The following RET variants were observed in gnomAD, a reference collection of about 807,000 sequenced individuals.
RET encodes ret proto-oncogene.
A neutral mutation model predicts 118.3 loss-of-function variants in RET; 19 were observed. The observed-to-expected ratio is 0.16, with a 90% CI of 0.11 to 0.24. The LOEUF is 0.24. Ranked by LOEUF, RET falls within the 10% of genes least tolerant of loss-of-function variation. RET has a pLI of 1.00. For missense variants in RET, 1,219 were observed against 1,502.1 expected, an observed-to-expected ratio of 0.81 and a Z score of 3.12; for synonymous variants, 597 against 644.1, an observed-to-expected ratio of 0.93 and a Z score of 1.11.
At chr10:43,082,677 C>T (rs561703431) in intron 1 of RET, among the ~76,000 whole-genome samples, 89 of 152,330 alleles carry the variant, frequency 5.8e-4, no homozygotes, top group African/African-American at 1.8e-3. Context: ...GGCAGTGTGG[C>T]CCCAGGGCAG....
chr10:43,118,750 C>T (rs956687649), intron 13 of RET, among the ~76,000 whole-genome samples: 1 of 152,252 alleles, frequency 6.6e-6, no homozygotes, highest in African/African-American at 2.4e-5. Context: ...GTGACACTGC[C>T]ATGTGTCCTC....
At chr10:43,095,317 G>A (rs1837498879) in intron 1 of RET, among the ~76,000 whole-genome samples, 1 of 152,232 alleles carries the variant, frequency 6.6e-6, no homozygotes, top group Admixed American at 6.5e-5. Context: ...GGACTGCCCG[G>A]GCAGCAGGAC....
rs753470270 is a variant in RET, at chr10:43,100,442, T to C, written c.74-17T>C. ...CTTATTCTCACCATCCCTCACTCAC[T>C]TCCCTACTTCCCACAGTGGCATTGG... On this transcript the variant is annotated splice_polypyrimidine_tract_variant and intron_variant, in intron 1 of 19. Coordinates refer to ENST00000355710, the MANE Select transcript of RET (RefSeq NM_020975.6). The C allele has an allele frequency of 2.5e-6, 4 of 1,612,906 alleles. No homozygotes were observed. Among genetic ancestry groups the C allele is most frequent in the Non-Finnish European group, 3.4e-6 (4 of 1,179,656 alleles).
At chr10:43,078,261 A>G (rs1039933174) in intron 1 of RET, among the ~76,000 whole-genome samples, 5 of 152,176 alleles carry the variant, frequency 3.3e-5, no homozygotes, top group African/African-American at 9.7e-5. Context: ...GCGCTTGTGT[A>G]TGAACCAAGT....
At position 43,127,897 on chromosome 10, in the gene RET, G is replaced by A. The variant is rs527919915; in HGVS notation, c.3188-215G>A. On this transcript the variant is annotated intron_variant, in intron 19 of 19. Transcript: ENST00000355710. ...AAGTTCATAAAAGTCAAAATTGGTA[G>A]TGTCTGTTAAGTTACATTTACCAAG... Among the ~76,000 whole-genome samples, 5 of 152,256 alleles carry A rather than the reference G, an allele frequency of 3.3e-5. No individual in the cohort carries two copies. In the East Asian group the frequency reaches 9.7e-4, roughly 29 times the overall value.
intron 1 of RET, among the ~76,000 whole-genome samples, chr10:43,078,497 C>A (rs1310576692): frequency 6.6e-6 from 1 of 152,248 alleles, no homozygotes; most frequent in African/African-American, 2.4e-5. Flanking sequence ...GTCCACCTAG[C>A]GAGGGACAGG....
chr10:43,099,427 C>T (rs556102363), intron 1 of RET, among the ~76,000 whole-genome samples: 1 of 152,132 alleles, frequency 6.6e-6, no homozygotes, highest in African/African-American at 2.4e-5. Flanking sequence ...AGGAGAATCG[C>T]TTGAACCCGG....
At chr10:43,127,547 A>C (rs575283666) in intron 19 of RET, 4 of 968,578 alleles carry the variant, frequency 4.1e-6, no homozygotes, top group East Asian at 1.4e-4. Flanking sequence ...GAAATCTTGG[A>C]GTTTCAAGCA....
intron 9 of RET, among the ~76,000 whole-genome samples, 181 bp downstream of exon 9, chr10:43,113,144 G>C (rs536874134): frequency 6.6e-6 from 1 of 152,274 alleles, no homozygotes; most frequent in Admixed American, 6.5e-5. Flanking sequence ...GGGACAGGGG[G>C]AAGGCAGGGA....
intron 1 of RET, among the ~76,000 whole-genome samples, chr10:43,094,279 C>G (rs1416496140): frequency 2.6e-5 from 4 of 152,006 alleles, no homozygotes; most frequent in Non-Finnish European, 4.4e-5. Flanking sequence ...ATTAGGAAAT[C>G]GTCTCTTAAG....
rs368361145 is a variant in RET, at chr10:43,114,750, C to T, written c.2136+14C>T. The T allele has an allele frequency of 3.1e-5, 49 of 1,601,716 alleles. No homozygotes were observed. The highest frequency in any genetic ancestry group is 3.9e-5 in the Non-Finnish European group (46 of 1,176,844). On this transcript the variant is annotated intron_variant, in intron 11 of 19. Transcript: ENST00000355710. The surrounding 1 kb of genome is among the most constrained non-coding windows in gnomAD (Gnocchi z 4.6). Reference sequence around the variant, plus strand: ...TTCAAGATCCTGGTGAGGGTCCCTGCGGGGCAGGGAAGATCCCCTGCCCTC... The same window carrying T: ...TTCAAGATCCTGGTGAGGGTCCCTGTGGGGCAGGGAAGATCCCCTGCCCTC...
At chr10:43,119,976 C>A (rs561060542) in intron 14 of RET, 105 bp from the exon 15 acceptor site, 1 of 1,538,446 alleles carries the variant, frequency 6.5e-7, no homozygotes, top group Non-Finnish European at 8.8e-7. Context: ...CTCACCAGGC[C>A]GCTACCCGGG....
intron 1 of RET, among the ~76,000 whole-genome samples, chr10:43,086,287 C>G (rs1251149998): frequency 1.3e-5 from 2 of 152,214 alleles, no homozygotes; most frequent in African/African-American, 4.8e-5. Context: ...CGGAGCAGAC[C>G]TGCTCATGAG....
intron 19 of RET, 122 bp from the exon 20 acceptor site, chr10:43,127,990 T>G (rs1433085226): frequency 4.1e-6 from 4 of 972,696 alleles, no homozygotes; most frequent in Non-Finnish European, 6.6e-6. Flanking sequence ...ACCATTAATA[T>G]AATTGGCACA....
At chr10:43,082,797 A>C (rs1276722850) in intron 1 of RET, among the ~76,000 whole-genome samples, 1 of 152,264 alleles carries the variant, frequency 6.6e-6, no homozygotes, top group Non-Finnish European at 1.5e-5. Flanking sequence ...TGTATTTCCT[A>C]GAATTTAAGT....
chr10:43,080,018 G>C (rs533804841), intron 1 of RET, among the ~76,000 whole-genome samples: 4 of 152,306 alleles, frequency 2.6e-5, no homozygotes, highest in African/African-American at 9.6e-5. Flanking sequence ...GGGCCTGCAA[G>C]CAGAGAGCAA....
At chr10:43,105,728 G>GGT (rs1200282423) in intron 4 of RET, among the ~76,000 whole-genome samples, 1 of 152,132 alleles carries the variant, frequency 6.6e-6, no homozygotes, top group Non-Finnish European at 1.5e-5. Context: ...TGGGGACTGA[G>GGT]GTAGGTAGTA....
intron 3 of RET, among the ~76,000 whole-genome samples, chr10:43,103,279 C>T (rs1157117660): frequency 6.6e-6 from 1 of 152,100 alleles, no homozygotes; most frequent in African/African-American, 2.4e-5. Context: ...AAGGATTAGT[C>T]AGACTACTGT....
chr10:43,119,660 C>T lies in RET; in HGVS notation c.2522C>T (p.Pro841Leu), dbSNP rs149891333. The T allele has an allele frequency of 3.2e-5, 51 of 1,613,220 alleles. No individual in the cohort carries two copies. In the African/African-American group the frequency reaches 5.1e-4, roughly 16 times the overall value. Residue 841 changes from proline (P) to leucine (L), a missense_variant, in exon 14 of 20, where the codon CCG (proline) becomes CTG (leucine). Transcript: ENST00000355710. ...GSRNSSSLDH[P>L]DERALTMGDL... ...CGCAACTCCAGCTCCCTGGACCACC[C>T]GGATGAGCGGGCCCTCACCATGGGC...
Sources: allele counts gnomAD v4.1 joint callset (sites outside exome capture counted in the v4.1 genomes callset), GRCh38; gene constraint gnomAD v4.1.1; non-coding constraint Gnocchi (gnomAD v3.1); transcripts MANE v1.5; gene names NCBI Gene and HGNC (gene_info 2026-07-23, HGNC 2026-07-21).